Variants in KIRREL3 observed in about 807,000 individuals in gnomAD.
The protein encoded by KIRREL3 is kirre like nephrin family adhesion molecule 3, also known as kin of IRRE-like protein 3.
KIRREL3 carries 36 observed loss-of-function variants against 89.7 expected under a neutral mutation model. The observed-to-expected ratio is 0.40, with a 90% CI of 0.31 to 0.53. The LOEUF is 0.53. Ranked by LOEUF, KIRREL3 falls within the 20% of genes least tolerant of loss-of-function variation. The probability of loss-of-function intolerance (pLI) is 0.49; values close to 1 mark genes in which losing one functional copy is unlikely to be tolerated. For synonymous variants in KIRREL3, 445 were observed against 441.4 expected, an observed-to-expected ratio of 1.01 and a Z score of -0.10; for missense variants, 864 against 1,056.6, an observed-to-expected ratio of 0.82 and a Z score of 2.53.
intron 1 of KIRREL3, among the ~76,000 whole-genome samples, chr11:126,735,618 C>G (rs1180961587): frequency 6.6e-6 from 1 of 152,214 alleles, no homozygotes; most frequent in Non-Finnish European, 1.5e-5. Context: ...AGGCAGCTGT[C>G]AGGCCCCAGA....
chr11:126,866,601 C>T (rs1944930968), intron 1 of KIRREL3, among the ~76,000 whole-genome samples: 1 of 151,998 alleles, frequency 6.6e-6, no homozygotes, highest in African/African-American at 2.4e-5. Context: ...TTTTCACGCC[C>T]AAAGGTTGCA....
chr11:126,901,912 A>G (rs1334129499), intron 1 of KIRREL3, among the ~76,000 whole-genome samples: 1 of 152,246 alleles, frequency 6.6e-6, no homozygotes, highest in African/African-American at 2.4e-5. Context: ...GTTCGCAGCT[A>G]AAGTGACACC....
intron 4 of KIRREL3, among the ~76,000 whole-genome samples, chr11:126,494,794 A>G (rs1957610608): frequency 6.6e-6 from 1 of 152,198 alleles, no homozygotes; most frequent in Non-Finnish European, 1.5e-5. Context: ...GCGCTAGGAC[A>G]GGCGCAGGCT....
intron 1 of KIRREL3, among the ~76,000 whole-genome samples, chr11:126,881,625 G>A (rs530063897): frequency 3.5e-4 from 53 of 152,278 alleles, no homozygotes; most frequent in African/African-American, 1.2e-3. Flanking sequence ...TTGGCTTACT[G>A]CAACCTCTGC....
intron 5 of KIRREL3, among the ~76,000 whole-genome samples, chr11:126,466,051 G>T (rs1331462690): frequency 6.6e-6 from 1 of 152,158 alleles, no homozygotes; most frequent in Non-Finnish European, 1.5e-5. Flanking sequence ...CAACGGATGG[G>T]CTCTGGGCGG....
Position 126,890,310 on chromosome 11 carries a change from C to T in KIRREL3, c.55+110145G>A, listed in dbSNP as rs747229698. Among the ~76,000 whole-genome samples, 9 of 152,104 alleles carry T rather than the reference C, an allele frequency of 5.9e-5. No individual in the cohort carries two copies. Among genetic ancestry groups the T allele is most frequent in the Admixed American group, 3.3e-4 (5 of 15,282 alleles). ...GTCAGCCCTGACCAGCAACAATAGCCGAGAAAGGGCTTGTACTGGCCATGC... is the reference window on the plus strand; with the variant it reads ...GTCAGCCCTGACCAGCAACAATAGCTGAGAAAGGGCTTGTACTGGCCATGC... On this transcript the variant is annotated intron_variant, in intron 1 of 16. Transcript: ENST00000525144. This position sits in a 1 kb window ranked among gnomAD's most constrained non-coding sequence, Gnocchi z 5.1.
chr11:126,637,168 T>C (rs1461313085), intron 1 of KIRREL3, among the ~76,000 whole-genome samples: 2 of 152,148 alleles, frequency 1.3e-5, no homozygotes, highest in African/African-American at 4.8e-5. Flanking sequence ...CTAAAGTAAG[T>C]TTTTTAGCTG....
At chr11:126,921,955 G>GTATATC (rs1335830617) in intron 1 of KIRREL3, among the ~76,000 whole-genome samples, 8 of 139,306 alleles carry the variant, frequency 5.7e-5, no homozygotes, top group East Asian at 2.2e-4. Flanking sequence ...CCTATCATCT[G>GTATATC]TATATCTATA....
Position 126,526,886 on chromosome 11 carries a change from C to A in KIRREL3, c.134-199G>T, listed in dbSNP as rs1958779749. On this transcript the variant is annotated intron_variant, in intron 2 of 16. Coordinates refer to ENST00000525144, the MANE Select transcript of KIRREL3 (RefSeq NM_032531.4). This position sits in a 1 kb window ranked among gnomAD's most constrained non-coding sequence, Gnocchi z 5.7. ...TATTCCCTCCTATGGGGGCCTGGCT[C>A]CCAGCTCCAGCCCCTCTGCCCATCA... is the stretch of plus-strand genomic sequence containing the variant. Among the ~76,000 whole-genome samples the A allele has an allele frequency of 6.6e-6, 1 of 152,192 alleles. No homozygotes were observed. The highest frequency in any genetic ancestry group is 6.5e-5 in the Admixed American group (1 of 15,286).
In KIRREL3 at chr11:126,908,910, C is replaced by A. The variant is rs1946693564; in HGVS notation, c.55+91545G>T. 6.6e-6 allele frequency among the ~76,000 whole-genome samples: 1 copy of A among 152,014 alleles called. No individual in the cohort carries two copies. The highest frequency in any genetic ancestry group is 1.5e-5 in the Non-Finnish European group (1 of 68,014). On this transcript the variant is annotated intron_variant, in intron 1 of 16. Coordinates refer to ENST00000525144, the MANE Select transcript of KIRREL3 (RefSeq NM_032531.4). This position sits in a 1 kb window ranked among gnomAD's most constrained non-coding sequence, Gnocchi z 4.2. ...AAAGTAGTGTAGTATTTGCATATAA[C>A]CTAAGCACATACACTTTAAATATCT...
At chr11:126,863,264 T>A (rs1315231116) in intron 1 of KIRREL3, among the ~76,000 whole-genome samples, 3 of 150,892 alleles carry the variant, frequency 2.0e-5, no homozygotes, top group Non-Finnish European at 4.4e-5. Flanking sequence ...GATTCCAGCC[T>A]CCTCTTCCTG....
At chr11:126,478,069 C>T (rs907085066) in intron 4 of KIRREL3, among the ~76,000 whole-genome samples, 4 of 152,244 alleles carry the variant, frequency 2.6e-5, no homozygotes, top group East Asian at 1.9e-4. Context: ...CCTGGGGCCT[C>T]GGTCTGTTCC....
chr11:126,463,115 G>C lies in KIRREL3; in HGVS notation c.742+42C>G, dbSNP rs1306629266. On this transcript the variant is annotated intron_variant, in intron 6 of 16. Coordinates refer to ENST00000525144, the MANE Select transcript of KIRREL3 (RefSeq NM_032531.4). This position sits in a 1 kb window ranked among gnomAD's most constrained non-coding sequence, Gnocchi z 5.9. ...TCAGGGTTGCTGGGTGTTTCACCCTGGGCCTGGCAGGGCTGGGTTGGGGGA... is the reference window on the plus strand; with the variant it reads ...TCAGGGTTGCTGGGTGTTTCACCCTCGGCCTGGCAGGGCTGGGTTGGGGGA... 1 of 1,597,026 alleles carries C rather than the reference G, an allele frequency of 6.3e-7. No individual in the cohort carries two copies. The highest frequency in any genetic ancestry group is 1.7e-5 in the Admixed American group (1 of 59,582).
rs1460943001 is a variant in KIRREL3 at position 126,796,661 on chromosome 11, C to G, written c.55+203794G>C. Reference sequence around the variant, plus strand: ...ACCCTGCTTTTTATTTATTTTTATTCTTTTATTTTTATTTTTATTTTATTT... The same window carrying G: ...ACCCTGCTTTTTATTTATTTTTATTGTTTTATTTTTATTTTTATTTTATTT... On this transcript the variant is annotated intron_variant, in intron 1 of 16. Coordinates refer to ENST00000525144, the MANE Select transcript of KIRREL3 (RefSeq NM_032531.4). This position sits in a 1 kb window ranked among gnomAD's most constrained non-coding sequence, Gnocchi z 5.1. Among the ~76,000 whole-genome samples the G allele has an allele frequency of 6.6e-6, 1 of 151,960 alleles. No individual in the cohort carries two copies. Among genetic ancestry groups the G allele is most frequent in the East Asian group, 1.9e-4 (1 of 5,192 alleles).
chr11:126,765,881 A>G (rs1323389190), intron 1 of KIRREL3, among the ~76,000 whole-genome samples: 1 of 151,342 alleles, frequency 6.6e-6, no homozygotes, highest in Non-Finnish European at 1.5e-5. Context: ...CTTCCCCCCA[A>G]CTCCCAATTT....
chr11:126,552,550 GTTTTT>G (rs59392843), intron 2 of KIRREL3, among the ~76,000 whole-genome samples: 14 of 81,766 alleles, frequency 1.7e-4, no homozygotes, highest in African/African-American at 5.1e-4. Context: ...AGAGAGAAAA[GTTTTT>G]TTTTTTTTTT....
At chr11:126,928,113 G>A (rs1033818590) in intron 1 of KIRREL3, among the ~76,000 whole-genome samples, 1 of 152,208 alleles carries the variant, frequency 6.6e-6, no homozygotes, top group South Asian at 2.1e-4. Flanking sequence ...ATTGCCATAA[G>A]TGCTACCGTC....
At chr11:126,616,029 G>T (rs972431675) in intron 1 of KIRREL3, among the ~76,000 whole-genome samples, 1 of 152,138 alleles carries the variant, frequency 6.6e-6, no homozygotes, top group Admixed American at 6.5e-5. Context: ...TAGTGTGTCC[G>T]TTCACTTCAC....
At chr11:126,938,503 A>G (rs1251592952) in intron 1 of KIRREL3, among the ~76,000 whole-genome samples, 1 of 152,228 alleles carries the variant, frequency 6.6e-6, no homozygotes, top group East Asian at 1.9e-4. Context: ...CTAAACTGGC[A>G]TGTGTCTTGC....
Sources: allele counts gnomAD v4.1 joint callset (sites outside exome capture counted in the v4.1 genomes callset), GRCh38; gene constraint gnomAD v4.1.1; non-coding constraint Gnocchi (gnomAD v3.1); transcripts MANE v1.5; gene names NCBI Gene and HGNC (gene_info 2026-07-23, HGNC 2026-07-21).